Variants in CACNB2 observed in about 807,000 individuals in gnomAD.
CACNB2 encodes voltage-dependent L-type calcium channel subunit beta-2.
A neutral mutation model predicts 73.3 loss-of-function variants in CACNB2; 42 were observed. The observed-to-expected ratio is 0.57, with a 90% confidence interval of 0.45 to 0.74. The LOEUF (loss-of-function observed/expected upper bound fraction) is 0.74. Ranked by LOEUF, CACNB2 falls within the 30% of genes least tolerant of loss-of-function variation. The pLI, the probability that CACNB2 is intolerant of heterozygous loss-of-function variation, is 0.00. For missense variants in CACNB2, 940 were observed against 853.0 expected (o/e 1.10, Z -1.27); for synonymous variants, 348 against 310.3 (o/e 1.12, Z -1.28).
At chr10:18,228,036 A>AG (rs1168969041) in intron 2 of CACNB2, among the ~76,000 whole-genome samples, 1 of 152,214 alleles carries the variant, frequency 6.6e-6, no homozygotes, top group African/African-American at 2.4e-5. Context: ...CTTTCAGGGT[A>AG]GGGGACAGCC....
chr10:18,499,392 C>T lies in CACNB2; in HGVS notation c.456+915C>T, dbSNP rs11596678. On this transcript the variant is annotated intron_variant, in intron 4 of 13. Coordinates refer to ENST00000324631, the MANE Select transcript of CACNB2 (RefSeq NM_201596.3). The stretch of plus-strand genomic sequence containing the variant: ...CAACACTTTGGGAGGCCAAGGTGGG[C>T]GGATCACAAGGTCAGGAGATGAAGA... 4.7e-3 allele frequency among the ~76,000 whole-genome samples: 719 copies of T among 151,936 alleles called. 1 individual carries two copies. Among genetic ancestry groups the T allele is most frequent in the Non-Finnish European group, 7.7e-3 (521 of 67,926 alleles).
At chr10:18,242,011 AT>A (rs1261130477) in intron 2 of CACNB2, among the ~76,000 whole-genome samples, 1 of 152,058 alleles carries the variant, frequency 6.6e-6, no homozygotes, top group African/African-American at 2.4e-5. Flanking sequence ...ATTTATTTCA[AT>A]ATTCAAATTC....
At chr10:18,324,530 A>G (rs529904709) in intron 2 of CACNB2, among the ~76,000 whole-genome samples, 1 of 152,360 alleles carries the variant, frequency 6.6e-6, no homozygotes, top group African/African-American at 2.4e-5. Flanking sequence ...CAGAAATAAT[A>G]TGTTTTAAAC....
chr10:18,351,123 A>G (rs1449042629), intron 2 of CACNB2, among the ~76,000 whole-genome samples: 1 of 151,038 alleles, frequency 6.6e-6, no homozygotes, highest in Non-Finnish European at 1.5e-5. Context: ...ATATTTTTAT[A>G]AAGATCACAT....
chr10:18,514,613 C>G, intron 7 of CACNB2: 1 of 1,485,008 alleles, frequency 6.7e-7, no homozygotes, highest in Non-Finnish European at 9.4e-7. Context: ...TAAATACAAT[C>G]ATTTCTGTCC....
At chr10:18,241,985 C>T (rs11818904) in intron 2 of CACNB2, among the ~76,000 whole-genome samples, 11,091 of 151,992 alleles carry the variant, frequency 0.073, 414 homozygotes, top group East Asian at 0.086. Context: ...CGTATATAGT[C>T]AACCACCAAT....
chr10:18,211,137 G>A (rs1188044465), intron 2 of CACNB2, among the ~76,000 whole-genome samples: 1 of 152,128 alleles, frequency 6.6e-6, no homozygotes, highest in Non-Finnish European at 1.5e-5. Flanking sequence ...GGAGGCGGAG[G>A]GCTATGCAGT....
rs2053973447 is a variant in CACNB2, at chr10:18,539,875, G to C, written c.*151G>C. ...TATTGCTGTTGCTTGAATAGCAATAGCATGGATAGAGTATTGAGATACTTT... is the reference window on the plus strand; with the variant it reads ...TATTGCTGTTGCTTGAATAGCAATACCATGGATAGAGTATTGAGATACTTT... On this transcript the variant is annotated 3_prime_UTR_variant, in exon 14 of 14. Coordinates refer to ENST00000324631, the MANE Select transcript of CACNB2 (RefSeq NM_201596.3). 1.2e-6 allele frequency: 1 copy of C among 826,506 alleles called. No homozygotes were observed. The highest frequency in any genetic ancestry group is 1.9e-6 in the Non-Finnish European group (1 of 538,308). The allele number at this position is 826,506 out of a possible 1,614,324, so 51.2% of individuals were successfully genotyped here. A position where few individuals can be genotyped will look rare whatever the true frequency, so the allele number is the denominator to read the frequency against.
chr10:18,381,779 TGTGTTC>T (rs2043029582), intron 2 of CACNB2, among the ~76,000 whole-genome samples: 1 of 151,970 alleles, frequency 6.6e-6, no homozygotes, highest in Non-Finnish European at 1.5e-5. Flanking sequence ...TAATGAGTGT[TGTGTTC>T]GTATATTACA....
At chr10:18,261,763 A>C (rs2037556235) in intron 2 of CACNB2, among the ~76,000 whole-genome samples, 1 of 152,192 alleles carries the variant, frequency 6.6e-6, no homozygotes, top group African/African-American at 2.4e-5. Context: ...CTTCAGAAAA[A>C]TAGTAGATAA....
chr10:18,505,859 T>A (rs1294214520), intron 5 of CACNB2, among the ~76,000 whole-genome samples: 1 of 152,220 alleles, frequency 6.6e-6, no homozygotes, highest in Non-Finnish European at 1.5e-5. Context: ...TTAACCACGT[T>A]TCATTCTCCA....
At chr10:18,150,680 G>C (rs1434318423) in intron 1 of CACNB2, among the ~76,000 whole-genome samples, 1 of 151,890 alleles carries the variant, frequency 6.6e-6, no homozygotes, top group Non-Finnish European at 1.5e-5. Flanking sequence ...GAAAAGAAAA[G>C]AAAACTCTCC....
At chr10:18,371,665 A>G (rs1001689610) in intron 2 of CACNB2, among the ~76,000 whole-genome samples, 19 of 152,148 alleles carry the variant, frequency 1.2e-4, no homozygotes, top group East Asian at 1.9e-4. Context: ...ATAAACATAC[A>G]TGTGCATGTG....
At chr10:18,272,567 C>T (rs60528574) in intron 2 of CACNB2, among the ~76,000 whole-genome samples, 1,714 of 152,278 alleles carry the variant, frequency 0.011, 45 homozygotes, top group African/African-American at 0.039. Flanking sequence ...ATAATCCCCA[C>T]GAGTCATGGG....
At chr10:18,427,458 C>G (rs1275325903) in intron 3 of CACNB2, among the ~76,000 whole-genome samples, 1 of 152,014 alleles carries the variant, frequency 6.6e-6, no homozygotes, top group Non-Finnish European at 1.5e-5. Flanking sequence ...TTATCCTTTC[C>G]TCAAGCGATT....
intron 2 of CACNB2, among the ~76,000 whole-genome samples, chr10:18,302,868 AT>A (rs1471624289): frequency 1.3e-5 from 2 of 152,242 alleles, no homozygotes; most frequent in Non-Finnish European, 2.9e-5. Flanking sequence ...AAAATAAAAA[AT>A]AAAACTAAAA....
At chr10:18,246,135 T>C (rs7082041) in intron 2 of CACNB2, among the ~76,000 whole-genome samples, 67,332 of 151,932 alleles carry the variant, frequency 0.44, 15,170 homozygotes, top group Middle Eastern at 0.5. Flanking sequence ...ACCAATTCTC[T>C]ATTCAGACTG....
intron 2 of CACNB2, chr10:18,340,990 G>C: frequency 6.2e-7 from 1 of 1,613,970 alleles, no homozygotes; most frequent in Non-Finnish European, 8.5e-7. Context: ...AAGCATACGG[G>C]AGAGAAGCCG....
chr10:18,402,180 TG>T (rs1564509625), intron 3 of CACNB2, 137 bp downstream of exon 3: 17 of 959,456 alleles, frequency 1.8e-5, no homozygotes. Flanking sequence ...GTACAAAAAA[TG>T]GAGCCTAGTT....
Sources: gnomAD v4.1 joint callset for allele counts (sites outside exome capture counted in the v4.1 genomes callset) on GRCh38, gnomAD v4.1.1 for gene constraint, MANE v1.5 for transcripts, NCBI Gene and HGNC (gene_info 2026-07-23, HGNC 2026-07-21) for gene names.